NAA11: variants seen among roughly 807,000 people sequenced by gnomAD.
NAA11 encodes N-alpha-acetyltransferase 11.
A neutral mutation model predicts 16.1 loss-of-function variants in NAA11; 15 were observed. That is an observed-to-expected ratio of 0.93 (90% CI 0.62 to 1.44). The LOEUF (loss-of-function observed/expected upper bound fraction) is 1.44. Ranked by LOEUF, NAA11 falls within the 40% of genes most tolerant of loss-of-function variation. The probability of loss-of-function intolerance (pLI) is 0.00; values close to 1 mark genes in which losing one functional copy is unlikely to be tolerated. For synonymous variants in NAA11, 122 were observed against 112.4 expected, an observed-to-expected ratio of 1.09 and a Z score of -0.54; for missense variants, 298 against 291.3, an observed-to-expected ratio of 1.02 and a Z score of -0.17.
At chr4:79,248,926 C>G (rs1477165846) in intron 2 of NAA11, among the ~76,000 whole-genome samples, 2 of 152,178 alleles carry the variant, frequency 1.3e-5, no homozygotes, top group Admixed American at 6.5e-5. Flanking sequence ...CTACCACTGC[C>G]TAAAAAGCAC....
chr4:79,278,108 T>A (rs1722704032), intron 2 of NAA11, among the ~76,000 whole-genome samples: 1 of 152,026 alleles, frequency 6.6e-6, no homozygotes, highest in Admixed American at 6.6e-5. Context: ...CTAAACCCCA[T>A]TCAATTAGCC....
chr4:79,204,926 T>TACAC, the NAA11 span, among the ~76,000 whole-genome samples: 1,269 of 39,632 alleles, frequency 0.032, 20 homozygotes, highest in African/African-American at 0.078. Context: ...CCATGGTGTG[T>TACAC]ATACACACAC....
intron 2 of NAA11, among the ~76,000 whole-genome samples, chr4:79,230,117 A>G (rs1578152060): frequency 1.3e-5 from 2 of 151,890 alleles, no homozygotes; most frequent in South Asian, 4.2e-4. Flanking sequence ...ACATTTTCTT[A>G]ATCCAGTCTA....
At chr4:79,223,665 T>C (rs1317957633), downstream of NAA11, among the ~76,000 whole-genome samples, 1 of 151,548 alleles carries the variant, frequency 6.6e-6, no homozygotes, top group Non-Finnish European at 1.5e-5. Flanking sequence ...AAAAAAAGAT[T>C]TCTCTACCAG....
chr4:79,272,597 C>T (rs951600135), intron 2 of NAA11, among the ~76,000 whole-genome samples: 3 of 151,922 alleles, frequency 2.0e-5, no homozygotes, highest in Admixed American at 1.3e-4. Context: ...TGATTAGAAA[C>T]TACAATGATA....
chr4:79,233,507 A>G (rs1468796039), intron 2 of NAA11, among the ~76,000 whole-genome samples: 2 of 151,962 alleles, frequency 1.3e-5, no homozygotes, highest in Admixed American at 1.3e-4. Context: ...TTTTTCTTAA[A>G]GGGTCAGAGA....
chr4:79,155,553 T>C, the NAA11 span, among the ~76,000 whole-genome samples: 3 of 152,180 alleles, frequency 2.0e-5, no homozygotes, highest in Non-Finnish European at 4.4e-5. Flanking sequence ...AAAAATCTCA[T>C]TTGCATCAAC....
intron 2 of NAA11, among the ~76,000 whole-genome samples, chr4:79,257,167 G>T (rs2109971683): frequency 6.6e-6 from 1 of 152,068 alleles, no homozygotes; most frequent in South Asian, 2.1e-4. Flanking sequence ...ATGTGTTCCA[G>T]TTGTACTATT....
At chr4:79,244,188 G>A (rs953599499) in intron 2 of NAA11, among the ~76,000 whole-genome samples, 16 of 152,158 alleles carry the variant, frequency 1.1e-4, no homozygotes, top group African/African-American at 2.4e-4. Context: ...CCAAGTTATC[G>A]CTTTTAGAGA....
At chr4:79,296,511 T>A (rs1187941332) in intron 1 of NAA11, among the ~76,000 whole-genome samples, 1 of 152,198 alleles carries the variant, frequency 6.6e-6, no homozygotes, top group East Asian at 1.9e-4. Context: ...TTTTCTTACC[T>A]CTGCAGCCAG....
intron 1 of NAA11, among the ~76,000 whole-genome samples, chr4:79,306,092 A>G (rs1445758785): frequency 6.6e-6 from 1 of 152,190 alleles, no homozygotes; most frequent in African/African-American, 2.4e-5. Context: ...AGTTCAAGCA[A>G]TTAAGGGAAT....
At chr4:79,181,288 A>T in the NAA11 span, among the ~76,000 whole-genome samples, 1 of 151,160 alleles carries the variant, frequency 6.6e-6, no homozygotes, top group Non-Finnish European at 1.5e-5. Flanking sequence ...GTTTTCCCAT[A>T]GGCAAAGGCA....
chr4:79,195,599 A>G, the NAA11 span, among the ~76,000 whole-genome samples: 1 of 152,068 alleles, frequency 6.6e-6, no homozygotes, highest in East Asian at 1.9e-4. Context: ...GCCCTCTCTC[A>G]TTATTCTTGC....
chr4:79,220,421 G>C, the NAA11 span, among the ~76,000 whole-genome samples: 1 of 142,406 alleles, frequency 7.0e-6, no homozygotes, highest in African/African-American at 2.8e-5. Context: ...GAATAGGTTT[G>C]TGTGCGTGTG....
At chr4:79,314,103 A>G (rs895181933), downstream of NAA11, among the ~76,000 whole-genome samples, 4 of 152,290 alleles carry the variant, frequency 2.6e-5, no homozygotes, top group South Asian at 8.3e-4. Context: ...AACATACATG[A>G]TCTCACATTT....
At chr4:79,238,906 T>C in intron 2 of NAA11, among the ~76,000 whole-genome samples, 1 of 152,230 alleles carries the variant, frequency 6.6e-6, no homozygotes, top group Admixed American at 6.5e-5. Context: ...TTCTGAGTTA[T>C]ATTACCTGGC....
intron 2 of NAA11, among the ~76,000 whole-genome samples, chr4:79,264,380 G>T (rs1271670674): frequency 6.6e-6 from 1 of 151,970 alleles, no homozygotes; most frequent in Admixed American, 6.6e-5. Context: ...ACAAAAATAG[G>T]CTGTAAATCT....
At chr4:79,232,143 G>A (rs76962312) in intron 2 of NAA11, among the ~76,000 whole-genome samples, 2,240 of 151,934 alleles carry the variant, frequency 0.015, 49 homozygotes, top group African/African-American at 0.051. Flanking sequence ...ACTGGGCACA[G>A]TATTGTTGAG....
chr4:79,308,126 C>T (rs1723642843), intron 1 of NAA11: 1 of 152,086 alleles, frequency 6.6e-6, no homozygotes, highest in Admixed American at 6.6e-5. Flanking sequence ...TGTATGCTGG[C>T]AAAACAATGG....
Sources: allele counts gnomAD v4.1 joint callset (sites outside exome capture counted in the v4.1 genomes callset), GRCh38; gene constraint gnomAD v4.1.1; transcripts MANE v1.5; gene names NCBI Gene and HGNC (gene_info 2026-07-23, HGNC 2026-07-21).